The following NACC2 variants were observed in gnomAD, a reference collection of about 807,000 sequenced individuals.
NACC2 encodes NACC family member 2.
A neutral mutation model predicts 25.1 loss-of-function variants in NACC2; 8 were observed. The observed-to-expected ratio is 0.32, with a 90% CI of 0.19 to 0.57. NACC2 has a LOEUF of 0.57. NACC2 is among the 20% of genes least tolerant of loss of function. The pLI is 0.89. For missense variants in NACC2, 644 were observed against 650.2 expected, an observed-to-expected ratio of 0.99 and a Z score of 0.10; for synonymous variants, 435 against 294.7, an observed-to-expected ratio of 1.48 and a Z score of -4.88.
Position 136,014,067 on chromosome 9 carries a change from G to A in NACC2, c.1052-98C>T, listed in dbSNP as rs377195201. The A allele has an allele frequency of 1.2e-3, 773 of 666,422 alleles. 6 individuals carry two copies. The African/African-American group carries it at 0.014, about 12-fold the overall frequency. 41.3% of individuals were successfully genotyped at this position (666,422 alleles called of 1,614,324 possible). A position where few individuals can be genotyped will look rare whatever the true frequency, so the allele number is the denominator to read the frequency against. ...TGAGGGGGAGGGGGGGAGGTGGAGGGGGAGGAGGAGCTGGAAGCTTCTAGG... is the reference window on the plus strand; with the variant it reads ...TGAGGGGGAGGGGGGGAGGTGGAGGAGGAGGAGGAGCTGGAAGCTTCTAGG... On this transcript the variant is annotated intron_variant, in intron 3 of 5. Coordinates refer to ENST00000277554, the MANE Select transcript of NACC2 (RefSeq NM_144653.5).
intron 2 of NACC2, among the ~76,000 whole-genome samples, chr9:136,028,562 G>A: frequency 6.6e-6 from 1 of 152,160 alleles, no homozygotes; most frequent in East Asian, 1.9e-4. Flanking sequence ...CTGCCATGAT[G>A]CCAGCTGTAG....
In NACC2 at chr9:136,043,519, G is replaced by A. The variant is rs1038911965; in HGVS notation, c.886+6117C>T. Among the ~76,000 whole-genome samples, 8 of 152,330 alleles carry A rather than the reference G, an allele frequency of 5.3e-5. 2 individuals carry two copies. In the South Asian group the frequency reaches 1.2e-3, roughly 24 times the overall value. On this transcript the variant is annotated intron_variant, in intron 2 of 5. Transcript: ENST00000277554. The stretch of plus-strand genomic sequence containing the variant: ...TCTCACGGGCTGCTGGTGGGAGTGC[G>A]GCCTCATGCAGCCCCTTGGCCTCAT...
intron 3 of NACC2, among the ~76,000 whole-genome samples, chr9:136,015,477 C>T (rs73668053): frequency 2.0e-4 from 30 of 152,326 alleles, no homozygotes; most frequent in African/African-American, 7.0e-4. Flanking sequence ...AGCTGGAAGG[C>T]GAGGCCAGCC....
At chr9:136,094,654 A>G (rs1469362097) in intron 1 of NACC2, among the ~76,000 whole-genome samples, 1 of 151,626 alleles carries the variant, frequency 6.6e-6, no homozygotes, top group East Asian at 2.0e-4. Context: ...GGCGGTGACG[A>G]CCCACGAACG....
intron 1 of NACC2, among the ~76,000 whole-genome samples, chr9:136,092,925 G>A (rs1299512807): frequency 6.6e-6 from 1 of 152,230 alleles, no homozygotes; most frequent in African/African-American, 2.4e-5. Context: ...AAGGGGCTGT[G>A]AGATGCAGAG....
At chr9:136,071,217 A>G (rs998927488) in intron 1 of NACC2, among the ~76,000 whole-genome samples, 3 of 151,274 alleles carry the variant, frequency 2.0e-5, no homozygotes, top group African/African-American at 4.9e-5. Context: ...AGCCTGGGAG[A>G]CAGAGCAAGA....
chr9:136,012,749 T>C (rs767203184), intron 5 of NACC2, among the ~76,000 whole-genome samples: 6 of 149,966 alleles, frequency 4.0e-5, no homozygotes, highest in Non-Finnish European at 7.4e-5. Context: ...GGCCACCTGG[T>C]GCGAGCCGGC....
At chr9:136,075,419 G>A (rs959501962) in intron 1 of NACC2, among the ~76,000 whole-genome samples, 6 of 152,248 alleles carry the variant, frequency 3.9e-5, no homozygotes, top group South Asian at 2.1e-4. Flanking sequence ...CTTGGAACTC[G>A]GAGGCGAATG....
At chr9:136,023,080 AG>A (rs1221369596) in intron 2 of NACC2, among the ~76,000 whole-genome samples, 1 of 9,836 alleles carries the variant, frequency 1.0e-4, no homozygotes, top group Non-Finnish European at 1.8e-4. Context: ...GGGAGGGAGG[AG>A]GGAGGGAAGG....
At chr9:136,067,891 T>A (rs975726946) in intron 1 of NACC2, among the ~76,000 whole-genome samples, 1 of 152,224 alleles carries the variant, frequency 6.6e-6, no homozygotes, top group African/African-American at 2.4e-5. Context: ...TTAGGCTATA[T>A]GGCATAGCCT....
intron 2 of NACC2, among the ~76,000 whole-genome samples, chr9:136,047,220 G>C (rs1001248398): frequency 6.6e-6 from 1 of 152,184 alleles, no homozygotes; most frequent in African/African-American, 2.4e-5. Flanking sequence ...CCGGGACACG[G>C]AGGGCACGGG....
rs1184680793 is a variant in NACC2, at chr9:136,050,500, C to T, written c.22G>A (p.Glu8Lys). The change falls in exon 2 of 6, where the codon GAG becomes AAG. Residue 8 changes from glutamate (E) to lysine (K), a missense_variant. Glu to Lys is a moderately conservative substitution (Grantham distance 56). Coordinates refer to ENST00000277554, the MANE Select transcript of NACC2 (RefSeq NM_144653.5). ...ACTGTGTTCCCGAAGTTGGGGATCT[C>T]GATGTGCAGCATCTGAGACATGGCG... MSQMLHI[E>K]IPNFGNTVLG... 2 of 763,924 alleles carry T rather than the reference C, an allele frequency of 2.6e-6. No homozygotes were observed. Among genetic ancestry groups the T allele is most frequent in the Admixed American group, 3.4e-5 (2 of 58,958 alleles). The allele number at this position is 763,924 out of a possible 1,614,324, so 47.3% of individuals were successfully genotyped here.
At chr9:136,024,534 G>T (rs886296116) in intron 2 of NACC2, among the ~76,000 whole-genome samples, 23 of 94,922 alleles carry the variant, frequency 2.4e-4, no homozygotes, top group African/African-American at 7.6e-4. Context: ...TGTGTGTGTG[G>T]ACAGTGTGTG....
rs1840237816 is a variant in NACC2, at chr9:136,018,561, C to A, written c.887-2132G>T. 1.3e-5 allele frequency among the ~76,000 whole-genome samples: 2 copies of A among 152,114 alleles called. No individual in the cohort carries two copies. Among genetic ancestry groups the A allele is most frequent in the Admixed American group, 1.3e-4 (2 of 15,282 alleles). On this transcript the variant is annotated intron_variant, in intron 2 of 5. Transcript: ENST00000277554. The surrounding 1 kb of genome is among the most constrained non-coding windows in gnomAD (Gnocchi z 4.4). ...TGGCCCAGGATGAGCGTGGTACGCACTGCACCTGTCAGTCCCAGGAAGGGG... is the reference window on the plus strand; with the variant it reads ...TGGCCCAGGATGAGCGTGGTACGCAATGCACCTGTCAGTCCCAGGAAGGGG...
At chr9:136,016,486 T>TGCCTGCCC in intron 2 of NACC2, 57 bp from the exon 3 acceptor site, 2 of 1,598,268 alleles carry the variant, frequency 1.3e-6, no homozygotes, top group South Asian at 1.1e-5. Flanking sequence ...GGCTGCTCTG[T>TGCCTGCCC]GCCTGCCCGC....
chr9:136,088,860 C>A (rs918492196), intron 1 of NACC2, among the ~76,000 whole-genome samples: 1 of 152,196 alleles, frequency 6.6e-6, no homozygotes, highest in Non-Finnish European at 1.5e-5. Flanking sequence ...CCGAGGGGAG[C>A]CAGCCCAGCC....
chr9:136,012,475 C>T (rs1840126294), intron 5 of NACC2, among the ~76,000 whole-genome samples: 1 of 152,210 alleles, frequency 6.6e-6, no homozygotes, highest in African/African-American at 2.4e-5. Context: ...GAGCCCAGGC[C>T]AAGGCCGGGT....
intron 1 of NACC2, among the ~76,000 whole-genome samples, chr9:136,064,968 T>C (rs746888983): frequency 6.6e-6 from 1 of 152,174 alleles, no homozygotes; most frequent in Non-Finnish European, 1.5e-5. Flanking sequence ...GAACAGTCTT[T>C]TCAAAATGTG....
In NACC2 at chr9:136,085,759, C is replaced by G. The variant is rs540004400; in HGVS notation, c.-60+9430G>C. On this transcript the variant is annotated intron_variant, in intron 1 of 5. Transcript: ENST00000277554. ...TGACATTTTTCTGTAAGTTTAATTACTTTATCTTTTACCTTTTTTCTTAAA... is the reference window on the plus strand; with the variant it reads ...TGACATTTTTCTGTAAGTTTAATTAGTTTATCTTTTACCTTTTTTCTTAAA... 8.5e-5 allele frequency among the ~76,000 whole-genome samples: 13 copies of G among 152,352 alleles called. No homozygotes were observed. In the South Asian group the frequency reaches 2.1e-3, roughly 24 times the overall value.
Sources: allele counts gnomAD v4.1 joint callset (sites outside exome capture counted in the v4.1 genomes callset), GRCh38; gene constraint gnomAD v4.1.1; non-coding constraint Gnocchi (gnomAD v3.1); transcripts MANE v1.5; gene names NCBI Gene and HGNC (gene_info 2026-07-23, HGNC 2026-07-21).